Variants in GALNT13 observed in about 807,000 individuals in gnomAD.
The protein encoded by GALNT13 is UDP-GalNAc:polypeptide N-acetylgalactosaminyltransferase 13.
In GALNT13, 28 loss-of-function variants were observed where a neutral mutation model predicts 64.2. The observed-to-expected ratio is 0.44, with a 90% CI of 0.32 to 0.60. The LOEUF is 0.60. GALNT13 is among the 20% of genes least tolerant of loss of function. The pLI, the probability that GALNT13 is intolerant of heterozygous loss-of-function variation, is 0.05. For synonymous variants in GALNT13, 214 were observed against 224.6 expected (o/e 0.95, Z 0.42); for missense variants, 577 against 669.8 (o/e 0.86, Z 1.53).
intron 9 of GALNT13, among the ~76,000 whole-genome samples, chr2:154,306,530 G>A (rs1693739767): frequency 6.6e-6 from 1 of 151,280 alleles, no homozygotes. Context: ...GTCACATAAA[G>A]CTGGCTGTAC....
chr2:153,168,502 G>A, the GALNT13 span, among the ~76,000 whole-genome samples: 1 of 152,066 alleles, frequency 6.6e-6, no homozygotes, highest in Admixed American at 6.6e-5. Context: ...CCACTATCAA[G>A]CTAATTAACG....
At chr2:153,811,925 A>T in the GALNT13 span, among the ~76,000 whole-genome samples, 30 of 152,348 alleles carry the variant, frequency 2.0e-4, no homozygotes, top group African/African-American at 6.7e-4. Flanking sequence ...ATTGAGATAT[A>T]ATAAACATAT....
At chr2:153,784,705 G>A in the GALNT13 span, among the ~76,000 whole-genome samples, 1 of 152,284 alleles carries the variant, frequency 6.6e-6, no homozygotes, top group South Asian at 2.1e-4. Flanking sequence ...CCCTAGGGTT[G>A]AATCCAGGGG....
the GALNT13 span, among the ~76,000 whole-genome samples, chr2:153,291,497 G>A: frequency 6.6e-6 from 1 of 152,082 alleles, no homozygotes; most frequent in African/African-American, 2.4e-5. Flanking sequence ...TTTCGTATGT[G>A]AATTTTTCCC....
At chr2:153,537,190 T>C in the GALNT13 span, among the ~76,000 whole-genome samples, 9 of 152,308 alleles carry the variant, frequency 5.9e-5, no homozygotes, top group African/African-American at 2.2e-4. Context: ...GAGAGAGATA[T>C]GAAGCTGCAG....
chr2:153,098,678 TTATC>T, the GALNT13 span, among the ~76,000 whole-genome samples: 1 of 152,168 alleles, frequency 6.6e-6, no homozygotes, highest in Non-Finnish European at 1.5e-5. Flanking sequence ...ATGCAACAAT[TTATC>T]TATTGTATTG....
At chr2:154,419,858 T>C (rs1267519097) in intron 11 of GALNT13, among the ~76,000 whole-genome samples, 1 of 152,174 alleles carries the variant, frequency 6.6e-6, no homozygotes, top group Non-Finnish European at 1.5e-5. Flanking sequence ...TAGCAAAGTA[T>C]GTCAGTGCAA....
chr2:154,012,213 T>C (rs1217336526), intron 3 of GALNT13, among the ~76,000 whole-genome samples: 1 of 152,200 alleles, frequency 6.6e-6, no homozygotes, highest in Non-Finnish European at 1.5e-5. Context: ...AACAGTGTTT[T>C]ATTTCCCTAT....
At chr2:154,048,753 T>G (rs1045160862) in intron 3 of GALNT13, among the ~76,000 whole-genome samples, 2 of 152,186 alleles carry the variant, frequency 1.3e-5, no homozygotes, top group Non-Finnish European at 2.9e-5. Flanking sequence ...TTATCACAAA[T>G]GGAATTGTAA....
At chr2:153,840,499 C>T in the GALNT13 span, among the ~76,000 whole-genome samples, 1 of 151,958 alleles carries the variant, frequency 6.6e-6, no homozygotes, top group East Asian at 1.9e-4. Context: ...TAATAAACCA[C>T]AAAATTCTGA....
rs182965938 is a variant in GALNT13, at chr2:154,079,668, C to T, written c.143-60669C>T. ...CCACATGCATGGTGCCCTCCTTATG[C>T]TCCAGAGATGAGCATGCAGAGTGTG... is the stretch of plus-strand genomic sequence containing the variant. On this transcript the variant is annotated intron_variant, in intron 3 of 12. Coordinates refer to ENST00000392825, the MANE Select transcript of GALNT13 (RefSeq NM_052917.4). 7.0e-3 allele frequency among the ~76,000 whole-genome samples: 1,061 copies of T among 151,632 alleles called. 11 individuals carry two copies. The highest frequency in any genetic ancestry group is 0.024 in the African/African-American group (977 of 41,452).
chr2:153,937,474 A>G (rs534863421), intron 2 of GALNT13, among the ~76,000 whole-genome samples: 2 of 152,318 alleles, frequency 1.3e-5, no homozygotes, highest in South Asian at 2.1e-4. Context: ...ACTTATGTCT[A>G]TGGATGATGG....
the GALNT13 span, among the ~76,000 whole-genome samples, chr2:153,765,721 G>C: frequency 6.6e-6 from 1 of 152,114 alleles, no homozygotes; most frequent in Non-Finnish European, 1.5e-5. Context: ...TGGTTAGGCT[G>C]TGTCCTCATC....
chr2:154,132,550 G>T (rs1682679048), intron 3 of GALNT13, among the ~76,000 whole-genome samples: 1 of 151,798 alleles, frequency 6.6e-6, no homozygotes, highest in African/African-American at 2.4e-5. Flanking sequence ...ACTTATAATG[G>T]GATCCATGCA....
the GALNT13 span, among the ~76,000 whole-genome samples, chr2:153,277,771 A>G: frequency 6.6e-6 from 1 of 151,762 alleles, no homozygotes; most frequent in Non-Finnish European, 1.5e-5. Context: ...GGTATCTCAC[A>G]TGACTAGTGA....
chr2:153,869,720 T>C (rs1685817006), upstream of GALNT13, among the ~76,000 whole-genome samples: 1 of 152,152 alleles, frequency 6.6e-6, no homozygotes, highest in African/African-American at 2.4e-5. Flanking sequence ...TAATTAAGGA[T>C]CTATAGTATA....
the GALNT13 span, among the ~76,000 whole-genome samples, chr2:153,328,442 G>T: frequency 6.6e-6 from 1 of 152,278 alleles, no homozygotes; most frequent in East Asian, 1.9e-4. Flanking sequence ...CAGGGAGATG[G>T]GAGTTTTATC....
At chr2:154,273,317 G>A (rs887129614) in intron 8 of GALNT13, among the ~76,000 whole-genome samples, 7 of 152,022 alleles carry the variant, frequency 4.6e-5, no homozygotes, top group Admixed American at 3.3e-4. Flanking sequence ...TTGCAGGGGG[G>A]AACATTCAGC....
chr2:153,498,074 TG>T, the GALNT13 span, among the ~76,000 whole-genome samples: 1 of 152,204 alleles, frequency 6.6e-6, no homozygotes, highest in Non-Finnish European at 1.5e-5. Flanking sequence ...GTACTCTTAC[TG>T]ATCTTGCCTA....
Sources: gnomAD v4.1 joint callset for allele counts (sites outside exome capture counted in the v4.1 genomes callset) on GRCh38, gnomAD v4.1.1 for gene constraint, MANE v1.5 for transcripts, NCBI Gene and HGNC (gene_info 2026-07-23, HGNC 2026-07-21) for gene names.